The following CNST variants were observed in gnomAD, a reference collection of about 807,000 sequenced individuals.
The protein encoded by CNST is consortin.
CNST carries 39 observed loss-of-function variants against 72.4 expected under a neutral mutation model. That is an observed-to-expected ratio of 0.54 (90% CI 0.42 to 0.70). The LOEUF is 0.70. Ranked by LOEUF, CNST falls within the 30% of genes least tolerant of loss-of-function variation. The probability of loss-of-function intolerance (pLI) is 0.00; values close to 1 mark genes in which losing one functional copy is unlikely to be tolerated. For synonymous variants in CNST, 332 were observed against 320.1 expected (o/e 1.04, Z -0.40); for missense variants, 871 against 868.5 (o/e 1.00, Z -0.04).
intron 4 of CNST, among the ~76,000 whole-genome samples, chr1:246,633,080 CTG>C (rs1381000654): frequency 6.6e-6 from 1 of 152,210 alleles, no homozygotes; most frequent in Non-Finnish European, 1.5e-5. Flanking sequence ...CTTTTAGTTT[CTG>C]TTTGCCGATA....
chr1:246,593,767 T>C (rs1393920014), intron 2 of CNST, among the ~76,000 whole-genome samples: 1 of 152,044 alleles, frequency 6.6e-6, no homozygotes, highest in Non-Finnish European at 1.5e-5. Context: ...ATTTTGTGAT[T>C]TTATTTTATT....
chr1:246,568,656 A>G (rs982280012), intron 1 of CNST, among the ~76,000 whole-genome samples: 4 of 151,774 alleles, frequency 2.6e-5, no homozygotes, highest in South Asian at 2.1e-4. Context: ...GTTCACTGCA[A>G]CCTCCGCTTT....
intron 2 of CNST, among the ~76,000 whole-genome samples, chr1:246,617,563 A>G (rs1416438220): frequency 6.6e-6 from 1 of 152,238 alleles, no homozygotes; most frequent in Non-Finnish European, 1.5e-5. Flanking sequence ...TATAAGGTAG[A>G]TGCAACAGCC....
At chr1:246,631,013 TG>T (rs1228093511) in intron 3 of CNST, among the ~76,000 whole-genome samples, 8 of 152,218 alleles carry the variant, frequency 5.3e-5, no homozygotes, top group Non-Finnish European at 1.5e-5. Context: ...CCCAAAGCGC[TG>T]GGATTACAGG....
In CNST at chr1:246,602,670, T is replaced by G. The variant is rs1298882757; in HGVS notation, c.379+10729T>G. 2.0e-5 allele frequency among the ~76,000 whole-genome samples: 3 copies of G among 152,036 alleles called. No homozygotes were observed. The East Asian group carries it at 5.8e-4, about 29-fold the overall frequency. ...TCCAACTTGTACTTATGGGAGGAGG[T>G]TGTAAAAGGGCACAAATACCAAGAG... On this transcript the variant is annotated intron_variant, in intron 2 of 10. Coordinates refer to ENST00000366513, the MANE Select transcript of CNST (RefSeq NM_152609.3).
chr1:246,585,704 C>CT lies in CNST; in HGVS notation c.-51-5808_-51-5807insT, dbSNP rs1213541419. On this transcript the variant is annotated intron_variant, in intron 1 of 10. Transcript: ENST00000366513. ...ACACACACACACACACACACACACACACACACACTATATATGTATACAGCA... is the reference window on the plus strand; with the variant it reads ...ACACACACACACACACACACACACACTACACACACTATATATGTATACAGCA... Among the ~76,000 whole-genome samples, 50 of 137,390 alleles carry CT rather than the reference C, an allele frequency of 3.6e-4. 1 individual carries two copies. The highest frequency in any genetic ancestry group is 7.9e-4 in the Admixed American group (11 of 13,972). The allele number at this position is 137,390 out of a possible 152,430, so 90.1% of individuals were successfully genotyped here. A position where few individuals can be genotyped will look rare whatever the true frequency, so the allele number is the denominator to read the frequency against.
intron 1 of CNST, among the ~76,000 whole-genome samples, chr1:246,570,339 C>T (rs1345867938): frequency 1.3e-5 from 2 of 152,214 alleles, no homozygotes; most frequent in Non-Finnish European, 2.9e-5. Context: ...CAGTCAGACC[C>T]ATCATTGTTC....
chr1:246,659,007 G>A (rs1315469354), intron 9 of CNST, among the ~76,000 whole-genome samples: 1 of 146,318 alleles, frequency 6.8e-6, no homozygotes, highest in Admixed American at 6.6e-5. Flanking sequence ...TGGAACATAG[G>A]CAGGAGAGAG....
chr1:246,644,774 C>CT (rs1217937851), intron 8 of CNST, among the ~76,000 whole-genome samples: 2 of 152,336 alleles, frequency 1.3e-5, no homozygotes, highest in Middle Eastern at 3.4e-3. Flanking sequence ...TATTTAGTCT[C>CT]TGAGTCCTGT....
chr1:246,642,055 G>A lies in CNST; in HGVS notation c.937+18G>A, dbSNP rs1231422079. ...AGAGTCAGGTATGTTTTTAACTTAAGCTATGGAGCAACGTAAAAGATACCT... is the reference window on the plus strand; with the variant it reads ...AGAGTCAGGTATGTTTTTAACTTAAACTATGGAGCAACGTAAAAGATACCT... On this transcript the variant is annotated intron_variant, in intron 8 of 10. Coordinates refer to ENST00000366513, the MANE Select transcript of CNST (RefSeq NM_152609.3). 4.7e-6 allele frequency: 7 copies of A among 1,476,528 alleles called. No homozygotes were observed. The highest frequency in any genetic ancestry group is 1.4e-5 in the African/African-American group (1 of 69,574). 91.5% of individuals were successfully genotyped at this position (1,476,528 alleles called of 1,614,324 possible). A position where few individuals can be genotyped will look rare whatever the true frequency, so the allele number is the denominator to read the frequency against.
At chr1:246,582,299 CTG>C (rs1660837232) in intron 1 of CNST, among the ~76,000 whole-genome samples, 1 of 152,034 alleles carries the variant, frequency 6.6e-6, no homozygotes, top group Non-Finnish European at 1.5e-5. Flanking sequence ...GGGTTCATAA[CTG>C]TCTTTTACCT....
chr1:246,646,265 G>A (rs1187792685), intron 8 of CNST, among the ~76,000 whole-genome samples: 2 of 110,446 alleles, frequency 1.8e-5, no homozygotes, highest in African/African-American at 1.1e-4. Flanking sequence ...GGGTGACAGA[G>A]CGAAACTCCG....
At chr1:246,585,467 C>T (rs369637413) in intron 1 of CNST, among the ~76,000 whole-genome samples, 101 of 151,156 alleles carry the variant, frequency 6.7e-4, no homozygotes, top group East Asian at 3.9e-3. Flanking sequence ...TCCAACATGG[C>T]GAAACCCTGC....
intron 8 of CNST, among the ~76,000 whole-genome samples, chr1:246,645,712 C>T (rs1252471546): frequency 1.3e-5 from 2 of 151,990 alleles, no homozygotes; most frequent in Admixed American, 1.3e-4. Context: ...CAGGCTTGAG[C>T]CACCGCGCCC....
At chr1:246,584,714 C>G (rs1396440598) in intron 1 of CNST, among the ~76,000 whole-genome samples, 32 of 152,112 alleles carry the variant, frequency 2.1e-4, no homozygotes, top group Non-Finnish European at 1.5e-5. Flanking sequence ...CCACAGCTGC[C>G]AGGACAGTTA....
chr1:246,585,664 TATACACACACACACAC>T (rs1261021359), intron 1 of CNST, among the ~76,000 whole-genome samples: 16 of 39,642 alleles, frequency 4.0e-4, no homozygotes, highest in Admixed American at 3.7e-3. Flanking sequence ...AAAAAAAAAA[TATACACACACACACAC>T]ACACACACAC....
chr1:246,591,941 G>C lies in CNST; in HGVS notation c.379G>C (p.Gly127Arg). Residue 127 changes from glycine (G) to arginine (R), a missense_variant and splice_region_variant, in exon 2 of 11, where the codon GGA becomes CGA. Transcript: ENST00000366513. ...AGGGACTGCTAAGAAGATACCACCA[G>C]GTATTGTTTAAAATAGTATTTATCC... ...KKGTAKKIPP[G>R]LFSGDIAPLM... 6.3e-7 allele frequency: 1 copy of C among 1,599,228 alleles called. No homozygotes were observed. Among genetic ancestry groups the C allele is most frequent in the Non-Finnish European group, 8.5e-7 (1 of 1,174,788 alleles).
chr1:246,578,185 G>T (rs1468458181), intron 1 of CNST, among the ~76,000 whole-genome samples: 2 of 152,030 alleles, frequency 1.3e-5, no homozygotes, highest in African/African-American at 4.8e-5. Flanking sequence ...AAGCATTCAA[G>T]CACTTGAATT....
intron 3 of CNST, among the ~76,000 whole-genome samples, chr1:246,627,891 T>C (rs554202944): frequency 9.9e-4 from 150 of 151,800 alleles, no homozygotes; most frequent in Non-Finnish European, 1.5e-3. Context: ...ACAGAACTCA[T>C]AGGATATTTA....
Sources: gnomAD v4.1 joint callset for allele counts (sites outside exome capture counted in the v4.1 genomes callset) on GRCh38, gnomAD v4.1.1 for gene constraint, MANE v1.5 for transcripts, NCBI Gene and HGNC (gene_info 2026-07-23, HGNC 2026-07-21) for gene names.